The following FBXL18 variants were observed in gnomAD, a reference collection of about 807,000 sequenced individuals.
FBXL18 encodes the protein F-box and leucine rich repeat protein 18.
FBXL18 carries 36 observed loss-of-function variants against 46.0 expected under a neutral mutation model. The observed-to-expected ratio is 0.78, with a 90% CI of 0.60 to 1.03. FBXL18 has a LOEUF of 1.03. FBXL18 is among the 50% of genes least tolerant of loss of function. The pLI, the probability that FBXL18 is intolerant of heterozygous loss-of-function variation, is 0.00. For missense variants in FBXL18, 977 were observed against 1,004.1 expected (o/e 0.97, Z 0.36); for synonymous variants, 557 against 465.3 (o/e 1.20, Z -2.54).
At chr7:5,487,449 C>G (rs956174115) in intron 4 of FBXL18, among the ~76,000 whole-genome samples, 1 of 152,230 alleles carries the variant, frequency 6.6e-6, no homozygotes, top group Non-Finnish European at 1.5e-5. Context: ...CTGACACAGC[C>G]TGCCCAGCAC....
rs1270695343 is a variant in FBXL18 at position 5,509,107 on chromosome 7, C to A, written c.19-3477G>T. Among the ~76,000 whole-genome samples the A allele has an allele frequency of 3.3e-5, 5 of 151,090 alleles. No homozygotes were observed. In the South Asian group the frequency reaches 1.0e-3, roughly 32 times the overall value. On this transcript the variant is annotated intron_variant, in intron 1 of 4. Transcript: ENST00000382368. ...ACTCAGGAGGCTGAGGCAGAAGAAT[C>A]GCTTGAACCCGGGAGGTGAAGGTTG... is the stretch of plus-strand genomic sequence containing the variant.
In FBXL18 at chr7:5,481,853, G is replaced by A. The variant is rs781480435; in HGVS notation, c.2079C>T (p.Asp693=). ...LHEGLTDVIR[D]VPLVHLDEIT... ...TCTCATCCAGGTGCACCAGGGGGAC[G>A]TCCCGGATGACGTCGGTCAGGCCCT... Residue 693 remains aspartate, a synonymous_variant, in exon 5 of 5, where the codon GAC becomes GAT. Transcript: ENST00000382368. 5.5e-5 allele frequency: 89 copies of A among 1,613,750 alleles called. No individual in the cohort carries two copies. Among genetic ancestry groups the A allele is most frequent in the African/African-American group, 2.0e-4 (15 of 74,934 alleles).
At chr7:5,510,608 C>T (rs1172392657) in intron 1 of FBXL18, among the ~76,000 whole-genome samples, 2 of 151,442 alleles carry the variant, frequency 1.3e-5, no homozygotes, top group Non-Finnish European at 2.9e-5. Flanking sequence ...ATCACCTGAA[C>T]CCGGGAAGTG....
chr7:5,488,531 C>A (rs1263336736), intron 4 of FBXL18, among the ~76,000 whole-genome samples: 1 of 152,184 alleles, frequency 6.6e-6, no homozygotes. Context: ...CCCAGCCCTG[C>A]GGAGCTGAGA....
downstream of FBXL18, among the ~76,000 whole-genome samples, chr7:5,472,515 A>G (rs1584190882): frequency 2.0e-5 from 3 of 152,254 alleles, no homozygotes; most frequent in Admixed American, 2.0e-4. Flanking sequence ...GACCACATGG[A>G]GAGGCCACTT....
intron 3 of FBXL18, among the ~76,000 whole-genome samples, chr7:5,499,060 T>C (rs569495050): frequency 6.6e-6 from 1 of 151,940 alleles, no homozygotes; most frequent in East Asian, 1.9e-4. Flanking sequence ...CACTGTCTGG[T>C]GTGGAGCTCT....
chr7:5,475,433 G>C (rs1783493462), downstream of FBXL18, among the ~76,000 whole-genome samples: 1 of 152,208 alleles, frequency 6.6e-6, no homozygotes, highest in African/African-American at 2.4e-5. The surrounding 1 kb of genome is among the most constrained non-coding windows in gnomAD (Gnocchi z 4.2). Context: ...CACTTTTGCT[G>C]TCTGAGCTGC....
intron 1 of FBXL18, among the ~76,000 whole-genome samples, chr7:5,512,939 C>G (rs1784577520): frequency 1.3e-5 from 2 of 152,138 alleles, no homozygotes; most frequent in African/African-American, 4.8e-5. Context: ...GCTCCTAAAT[C>G]TGCGAAGTGC....
intron 1 of FBXL18, 101 bp downstream of exon 1, chr7:5,513,556 G>C (rs1248297574): frequency 7.4e-7 from 1 of 1,348,048 alleles, no homozygotes; most frequent in East Asian, 2.5e-5. Flanking sequence ...GGTAGGGGTC[G>C]GGATAGAAAG....
chr7:5,467,220 G>A (rs960576571), intron 4 of FBXL18, among the ~76,000 whole-genome samples: 26 of 152,182 alleles, frequency 1.7e-4, no homozygotes, highest in Admixed American at 4.6e-4. Flanking sequence ...GCGCGGTGGC[G>A]AGCGCCTGTA....
intron 4 of FBXL18, among the ~76,000 whole-genome samples, chr7:5,490,757 G>C (rs948098746): frequency 1.3e-5 from 2 of 152,192 alleles, no homozygotes; most frequent in African/African-American, 4.8e-5. Flanking sequence ...CTGAGGTCGG[G>C]AGTTCGAGAC....
rs1236829283 is a variant in FBXL18 at position 5,501,578 on chromosome 7, G to A, written c.691C>T (p.Arg231Trp). 2.5e-6 allele frequency: 4 copies of A among 1,613,872 alleles called. No homozygotes were observed. The highest frequency in any genetic ancestry group is 3.4e-6 in the Non-Finnish European group (4 of 1,180,006). The change falls in exon 3 of 5, where the codon CGG (arginine) becomes TGG (tryptophan). Residue 231 changes from arginine to tryptophan, a missense_variant. Physicochemically the swap from Arg to Trp is moderately radical, Grantham distance 101 (BLOSUM62 -3). Transcript: ENST00000382368. The stretch of plus-strand genomic sequence containing the variant: ...GGGGCCAGGCGCGCATAGAAGACCC[G>A]CAGGTTCTGGTAGTGCGGCACGTTG... ...QSNVPHYQNL[R>W]VFYARLAPGY...
intron 1 of FBXL18, among the ~76,000 whole-genome samples, chr7:5,509,710 A>G (rs887273781): frequency 1.1e-4 from 17 of 151,492 alleles, no homozygotes; most frequent in Non-Finnish European, 4.4e-5. Flanking sequence ...TCAAAAAAAA[A>G]AAAAAAAAAG....
chr7:5,471,380 C>A (rs1432667646), downstream of FBXL18, among the ~76,000 whole-genome samples: 3 of 152,132 alleles, frequency 2.0e-5, no homozygotes, highest in Non-Finnish European at 4.4e-5. Flanking sequence ...GGGTTCACGC[C>A]ATTCTCCTGC....
intron 4 of FBXL18, 66 bp downstream of exon 4, chr7:5,491,165 G>GA: frequency 7.0e-7 from 1 of 1,420,154 alleles, no homozygotes; most frequent in Non-Finnish European, 9.7e-7. Flanking sequence ...GAAGGCTGGG[G>GA]ACCAGGTCAC....
Position 5,477,033 on chromosome 7 carries a change from G to T in FBXL18, c.*4742C>A, listed in dbSNP as rs149870384. 0.027 allele frequency: 4,094 copies of T among 152,184 alleles called. 80 individuals are homozygous for T. Among genetic ancestry groups the T allele is most frequent in the Middle Eastern group, 0.051 (15 of 294 alleles). The allele number at this position is 152,184 out of a possible 1,614,324, so 9.4% of individuals were successfully genotyped here. A position where few individuals can be genotyped will look rare whatever the true frequency, so the allele number is the denominator to read the frequency against. On this transcript the variant is annotated 3_prime_UTR_variant, in exon 5 of 5. Transcript: ENST00000382368. This position sits in a 1 kb window ranked among gnomAD's most constrained non-coding sequence, Gnocchi z 4.4. The stretch of plus-strand genomic sequence containing the variant: ...CTCCTGAGTGGCTGGGACCACAGGC[G>T]CCCGCCACCACACCCGACTACTTTT...
chr7:5,454,559 G>A (rs951981160), intron 4 of FBXL18, among the ~76,000 whole-genome samples: 2 of 152,142 alleles, frequency 1.3e-5, no homozygotes, highest in East Asian at 3.8e-4. Context: ...GTATCAGTTT[G>A]ATGTCTTGTT....
chr7:5,509,346 C>T (rs1002934983), intron 1 of FBXL18, among the ~76,000 whole-genome samples: 4 of 152,108 alleles, frequency 2.6e-5, no homozygotes, highest in African/African-American at 7.2e-5. Context: ...TCTCTCCATC[C>T]AGCCACAGCA....
Position 5,477,258 on chromosome 7 carries a change from C to T in FBXL18, c.*4517G>A, listed in dbSNP as rs565236882. Among the ~76,000 whole-genome samples the T allele has an allele frequency of 6.6e-6, 1 of 152,280 alleles. No individual in the cohort carries two copies. The highest frequency in any genetic ancestry group is 1.9e-4 in the East Asian group (1 of 5,190). ...GAGACCCATGACCATCACAAAGACC[C>T]CCCAGCGTCGTGGTCAAGGCTACCA... On this transcript the variant is annotated 3_prime_UTR_variant, in exon 5 of 5. Coordinates refer to ENST00000382368, the MANE Select transcript of FBXL18 (RefSeq NM_024963.6). The surrounding 1 kb of genome is among the most constrained non-coding windows in gnomAD (Gnocchi z 4.4).
Sources: allele counts gnomAD v4.1 joint callset (sites outside exome capture counted in the v4.1 genomes callset), GRCh38; gene constraint gnomAD v4.1.1; non-coding constraint Gnocchi (gnomAD v3.1); transcripts MANE v1.5; gene names NCBI Gene and HGNC (gene_info 2026-07-23, HGNC 2026-07-21).